Variants in PTPN22 observed in about 807,000 individuals in gnomAD.
The protein encoded by PTPN22 is protein tyrosine phosphatase non-receptor type 22, also known as tyrosine-protein phosphatase non-receptor type 22.
Under a neutral mutation model 103.3 loss-of-function variants are expected in PTPN22, and 85 were observed. The observed-to-expected ratio is 0.82, with a 90% confidence interval of 0.69 to 0.99. The LOEUF (loss-of-function observed/expected upper bound fraction) is 0.99, where lower values mean the gene tolerates loss of function less well. Among genes scored for constraint, PTPN22 ranks in the 50% least tolerant of loss-of-function variants. PTPN22 has a pLI of 0.00. For synonymous variants in PTPN22, 323 were observed against 310.2 expected, an observed-to-expected ratio of 1.04 and a Z score of -0.43; for missense variants, 865 against 936.9, an observed-to-expected ratio of 0.92 and a Z score of 1.00.
chr1:113,863,303 G>A (rs2102167330), intron 1 of PTPN22, among the ~76,000 whole-genome samples: 1 of 152,310 alleles, frequency 6.6e-6, no homozygotes, highest in Non-Finnish European at 1.5e-5. Flanking sequence ...ACGTTGGCCA[G>A]GCTGGTCTTG....
chr1:113,857,652 A>C, intron 5 of PTPN22, 86 bp downstream of exon 5: 1 of 1,244,766 alleles, frequency 8.0e-7, no homozygotes, highest in Non-Finnish European at 1.2e-6. Context: ...ATCTAGGTAC[A>C]CTCAGGTAAG....
chr1:113,834,424 T>C, exon 15 of PTPN22: 1 of 1,612,900 alleles, frequency 6.2e-7, no homozygotes, highest in South Asian at 1.1e-5. Flanking sequence ...TTTGGGAACA[T>C]TTGGTGAGAA....
chr1:113,815,832 A>G (rs1274435627), intron 20 of PTPN22, among the ~76,000 whole-genome samples: 1 of 152,088 alleles, frequency 6.6e-6, no homozygotes, highest in Non-Finnish European at 1.5e-5. Context: ...GCGCCAGCCA[A>G]CATGCCTGGG....
chr1:113,819,496 A>T (rs34639107), intron 20 of PTPN22, 81 bp downstream of exon 20: 17,539 of 1,035,384 alleles, frequency 0.017, 215 homozygotes, highest in African/African-American at 0.04. Context: ...ACCTAAAATC[A>T]TATTTAAAGT....
At chr1:113,818,197 G>A (rs1192175919) in intron 20 of PTPN22, among the ~76,000 whole-genome samples, 4 of 150,914 alleles carry the variant, frequency 2.7e-5, no homozygotes, top group South Asian at 4.2e-4. Flanking sequence ...ATGGAGTCTC[G>A]CTCTGTTGCC....
At chr1:113,838,595 T>C in exon 12 of PTPN22, 1 of 1,613,772 alleles carries the variant, frequency 6.2e-7, no homozygotes, top group Middle Eastern at 1.7e-4. Flanking sequence ...GTGATTTTTC[T>C]CAGGAATACA....
At chr1:113,855,186 G>A in intron 7 of PTPN22, 137 bp from the exon 8 acceptor site, 1 of 717,080 alleles carries the variant, frequency 1.4e-6, no homozygotes, top group Non-Finnish European at 2.3e-6. Flanking sequence ...ACGCCCTTGT[G>A]TCTTATATTC....
At chr1:113,826,503 A>G (rs1480197303) in intron 18 of PTPN22, among the ~76,000 whole-genome samples, 1 of 151,940 alleles carries the variant, frequency 6.6e-6, no homozygotes, top group Admixed American at 6.6e-5. Context: ...GGACCATTTC[A>G]GAATCCACAA....
chr1:113,849,594 A>ATTT (rs574631537), intron 10 of PTPN22, among the ~76,000 whole-genome samples: 3 of 125,650 alleles, frequency 2.4e-5, no homozygotes, highest in East Asian at 5.0e-4. Flanking sequence ...TTATTTATTT[A>ATTT]TTTTTTTTTT....
intron 18 of PTPN22, 63 bp downstream of exon 18, chr1:113,829,528 GA>G (rs1662367422): frequency 1.3e-6 from 1 of 799,540 alleles, no homozygotes; most frequent in Admixed American, 2.4e-5. Context: ...TAATGCTGGG[GA>G]GGGGGAAACT....
chr1:113,826,319 T>A (rs1017495268), intron 18 of PTPN22, among the ~76,000 whole-genome samples: 3 of 148,608 alleles, frequency 2.0e-5, no homozygotes, highest in Non-Finnish European at 4.4e-5. Flanking sequence ...CACTCTAGCA[T>A]GGGCAACAGA....
chr1:113,870,982 G>C (rs552580801), intron 1 of PTPN22, among the ~76,000 whole-genome samples: 1 of 152,190 alleles, frequency 6.6e-6, no homozygotes, highest in Non-Finnish European at 1.5e-5. Flanking sequence ...ACAGTGAGCT[G>C]TGGTTGCACT....
intron 1 of PTPN22, among the ~76,000 whole-genome samples, chr1:113,869,267 A>G (rs1666378320): frequency 6.6e-6 from 1 of 152,164 alleles, no homozygotes. Flanking sequence ...TTGGGTGTTG[A>G]ACTGAAAATT....
chr1:113,850,659 A>T (rs575851153), intron 10 of PTPN22, among the ~76,000 whole-genome samples: 1 of 152,334 alleles, frequency 6.6e-6, no homozygotes, highest in East Asian at 1.9e-4. Flanking sequence ...CTCAGCACAC[A>T]TGAAAGTTAT....
intron 1 of PTPN22, among the ~76,000 whole-genome samples, chr1:113,867,236 C>T (rs1234592023): frequency 6.6e-6 from 1 of 152,118 alleles, no homozygotes; most frequent in African/African-American, 2.4e-5. Context: ...ATGTCCTTAC[C>T]CTAAAACTTA....
chr1:113,838,886 A>G lies in PTPN22; in HGVS notation c.916-266T>C, dbSNP rs572938484. ...CTTTTCAAATGTGGGAGTTTTAAAA[A>G]TGTTCTTTGGTGGGTAACTTTAGTC... On this transcript the variant is annotated intron_variant, in intron 11 of 20. Coordinates refer to ENST00000359785, the Ensembl canonical transcript of PTPN22. 2.6e-5 allele frequency among the ~76,000 whole-genome samples: 4 copies of G among 152,254 alleles called. No homozygotes were observed. The East Asian group carries it at 5.8e-4, about 22-fold the overall frequency.
Position 113,829,717 on chromosome 1 carries a change from A to G in PTPN22, c.2135-10T>C. The stretch of plus-strand genomic sequence containing the variant: ...GATTGGGCCTGCATACCTTAAAAAA[A>G]AAAAAGGAGAAAAACATGTTCCATT... On this transcript the variant is annotated splice_polypyrimidine_tract_variant and intron_variant, in intron 17 of 20. Coordinates refer to ENST00000359785, the Ensembl canonical transcript of PTPN22. 1.3e-6 allele frequency: 2 copies of G among 1,498,884 alleles called. No homozygotes were observed. The highest frequency in any genetic ancestry group is 1.8e-6 in the Non-Finnish European group (2 of 1,100,884). The allele number at this position is 1,498,884 out of a possible 1,614,324, so 92.8% of individuals were successfully genotyped here. A position where few individuals can be genotyped will look rare whatever the true frequency, so the allele number is the denominator to read the frequency against.
exon 21 of PTPN22, chr1:113,814,586 G>A (rs1038196561): frequency 2.3e-5 from 5 of 214,930 alleles, no homozygotes; most frequent in Non-Finnish European, 4.6e-5. Flanking sequence ...TTATGTTTAT[G>A]TAGAAAAGTA....
intron 11 of PTPN22, among the ~76,000 whole-genome samples, chr1:113,846,182 T>C (rs1217403): frequency 0.32 from 48,367 of 152,016 alleles, 9,296 homozygotes; most frequent in African/African-American, 0.54. Context: ...TTTTGTTTTC[T>C]CTTTATTCTT....
Sources: allele counts gnomAD v4.1 joint callset (sites outside exome capture counted in the v4.1 genomes callset), GRCh38; gene constraint gnomAD v4.1.1; transcripts MANE v1.5; gene names NCBI Gene and HGNC (gene_info 2026-07-23, HGNC 2026-07-21).